Variants in SLC18A2 observed in about 807,000 individuals in gnomAD.
The protein encoded by SLC18A2 is solute carrier family 18 member A2.
A neutral mutation model predicts 59.2 loss-of-function variants in SLC18A2; 33 were observed. That is an observed-to-expected ratio of 0.56 (90% CI 0.42 to 0.75). The LOEUF is 0.75. Among genes scored for constraint, SLC18A2 ranks in the 30% least tolerant of loss-of-function variants. The pLI, the probability that SLC18A2 is intolerant of heterozygous loss-of-function variation, is 0.00. For synonymous variants in SLC18A2, 228 were observed against 253.5 expected, an observed-to-expected ratio of 0.90 and a Z score of 0.95; for missense variants, 569 against 668.6, an observed-to-expected ratio of 0.85 and a Z score of 1.64.
chr10:117,269,511 T>G lies in SLC18A2; in HGVS notation c.1187-560T>G, dbSNP rs1436384173. On this transcript the variant is annotated intron_variant, in intron 13 of 15. Transcript: ENST00000644641. This position sits in a 1 kb window ranked among gnomAD's most constrained non-coding sequence, Gnocchi z 5.1. ...GGGAGCAGGTAGCATAAAGATGGTG[T>G]GTGTTCAGAGTTCCTGGCTCAGACT... Among the ~76,000 whole-genome samples the G allele has an allele frequency of 6.6e-6, 1 of 152,192 alleles. No individual in the cohort carries two copies. Among genetic ancestry groups the G allele is most frequent in the African/African-American group, 2.4e-5 (1 of 41,446 alleles).
chr10:117,242,245 A>G (rs1844064555), intron 2 of SLC18A2, among the ~76,000 whole-genome samples: 1 of 152,238 alleles, frequency 6.6e-6, no homozygotes, highest in Non-Finnish European at 1.5e-5. Context: ...CTTACTCCAA[A>G]AACAAGACAT....
rs1844215123 is a variant in SLC18A2 at position 117,255,277 on chromosome 10, T to C, written c.701T>C (p.Val234Ala). The C allele has an allele frequency of 1.9e-6, 3 of 1,614,004 alleles. No homozygotes were observed. Among genetic ancestry groups the C allele is most frequent in the South Asian group, 1.1e-5 (1 of 91,082 alleles). The change falls in exon 7 of 16, where the codon GTG (valine) becomes GCG (alanine). Residue 234 changes from valine (V) to alanine (A), a missense_variant and splice_region_variant. Transcript: ENST00000644641. ...GTGTCCCCACTTTCTCTCCCTGCAG[T>C]GGGCCCCCCCTTCGGGAGTGTGCTC... The part of the protein sequence containing the change: ...ALGGLAMGVL[V>A]GPPFGSVLYE...
chr10:117,257,059 G>T (rs1844238866), intron 9 of SLC18A2, among the ~76,000 whole-genome samples: 1 of 152,232 alleles, frequency 6.6e-6, no homozygotes, highest in Non-Finnish European at 1.5e-5. Context: ...TAAGTGTCAT[G>T]TCGAATGAAC....
intron 13 of SLC18A2, chr10:117,268,355 CA>C (rs1235190513): frequency 6.6e-6 from 1 of 152,562 alleles, no homozygotes; most frequent in Non-Finnish European, 1.5e-5. Context: ...TACAGTGGCA[CA>C]GCATGGCTTT....
rs372240821 is a variant in SLC18A2, at chr10:117,249,300, GT to G, written c.465-4098del. On this transcript the variant is annotated intron_variant, in intron 3 of 15. Transcript: ENST00000644641. Reference sequence around the variant, plus strand: ...AGAAGCAAAAGCTCTGTTAAGCTATGTGTCAGAGAACAGGGCTCACGCCCAG... The same window carrying G: ...AGAAGCAAAAGCTCTGTTAAGCTATGGTCAGAGAACAGGGCTCACGCCCAG... Among the ~76,000 whole-genome samples the G allele has an allele frequency of 7.3e-4, 111 of 152,368 alleles. 1 individual carries two copies. In the South Asian group the frequency reaches 0.022, roughly 30 times the overall value.
In SLC18A2 at chr10:117,277,760, T is replaced by C. The variant is rs892234763; in HGVS notation, c.*494T>C. The C allele has an allele frequency of 6.6e-6, 1 of 152,278 alleles. No homozygotes were observed. Among genetic ancestry groups the C allele is most frequent in the African/African-American group, 2.4e-5 (1 of 41,462 alleles). 9.4% of individuals were successfully genotyped at this position (152,278 alleles called of 1,614,324 possible). A position where few individuals can be genotyped will look rare whatever the true frequency, so the allele number is the denominator to read the frequency against. On this transcript the variant is annotated 3_prime_UTR_variant, in exon 16 of 16. Coordinates refer to ENST00000644641, the MANE Select transcript of SLC18A2 (RefSeq NM_003054.6). ...GTGACACTGAATGTTATTTAACTTG[T>C]AGTTACTATCAATATATTTATGCGT...
At chr10:117,260,142 C>T (rs1367912157) in intron 10 of SLC18A2, among the ~76,000 whole-genome samples, 1 of 152,166 alleles carries the variant, frequency 6.6e-6, no homozygotes, top group Non-Finnish European at 1.5e-5. Context: ...CAAAAACACC[C>T]TCCCACCATG....
chr10:117,254,551 G>T, intron 6 of SLC18A2, 54 bp downstream of exon 6: 1 of 1,338,064 alleles, frequency 7.5e-7, no homozygotes, highest in Non-Finnish European at 1.0e-6. Context: ...CCTGGTGCTG[G>T]ACAGCGGCAG....
At chr10:117,248,743 G>A (rs1479046305) in intron 3 of SLC18A2, among the ~76,000 whole-genome samples, 1 of 152,174 alleles carries the variant, frequency 6.6e-6, no homozygotes, top group African/African-American at 2.4e-5. Flanking sequence ...GTCAGGTAAC[G>A]ATATGGCATT....
rs144395036 is a variant in SLC18A2 at position 117,261,905 on chromosome 10, G to T, written c.991+4013G>T. 1.4e-4 allele frequency among the ~76,000 whole-genome samples: 21 copies of T among 152,232 alleles called. No individual in the cohort carries two copies. In the East Asian group the frequency reaches 4.1e-3, roughly 29 times the overall value. ...CATCACTGAGCGATGCACTGTCAAA[G>T]GGTGAATTTTGTTTTTTTTTGAGAC... On this transcript the variant is annotated intron_variant, in intron 10 of 15. Transcript: ENST00000644641.
chr10:117,253,495 A>G (rs772046703), intron 4 of SLC18A2, 38 bp downstream of exon 4: 2 of 1,425,772 alleles, frequency 1.4e-6, no homozygotes, highest in Non-Finnish European at 1.9e-6. Flanking sequence ...TGTGGGTCTC[A>G]TCAGGGTGGG....
intron 13 of SLC18A2, among the ~76,000 whole-genome samples, chr10:117,268,999 C>T (rs1357941716): frequency 1.3e-5 from 2 of 151,146 alleles, no homozygotes; most frequent in African/African-American, 4.9e-5. Flanking sequence ...TACACACAAA[C>T]ACACATACAC....
Position 117,270,362 on chromosome 10 carries a change from AT to A in SLC18A2, c.1341del (p.Ile447MetfsTer7). The A allele has an allele frequency of 6.2e-7, 1 of 1,614,196 alleles. No individual in the cohort carries two copies. The highest frequency in any genetic ancestry group is 8.5e-7 in the Non-Finnish European group (1 of 1,180,030). On this transcript the variant is annotated frameshift_variant, in exon 15 of 16. Transcript: ENST00000644641. LOFTEE classifies it high-confidence loss of function. ...PSAGGAIAKA[I>X]GFPWLMTIIG... ...TGCTGGTGGTGCTATTGCAAAGGCAATTGGATTTCCATGGCTCATGACAATT... is the reference window on the plus strand; with the variant it reads ...TGCTGGTGGTGCTATTGCAAAGGCAATGGATTTCCATGGCTCATGACAATT...
chr10:117,242,058 T>C (rs1844062488), intron 2 of SLC18A2: 1 of 379,074 alleles, frequency 2.6e-6, no homozygotes, highest in Non-Finnish European at 4.7e-6. Flanking sequence ...CCAGAACTTA[T>C]GTTTCCCCCT....
chr10:117,243,208 T>C (rs1394131060), intron 2 of SLC18A2, among the ~76,000 whole-genome samples: 1 of 152,218 alleles, frequency 6.6e-6, no homozygotes, highest in African/African-American at 2.4e-5. Context: ...TGAAGTGTAG[T>C]TTTCTGTTTC....
intron 6 of SLC18A2, among the ~76,000 whole-genome samples, chr10:117,254,899 C>A (rs1056970403): frequency 6.6e-6 from 1 of 152,358 alleles, no homozygotes; most frequent in Admixed American, 6.5e-5. Flanking sequence ...GATTCAAAAC[C>A]TTTTCCTTCC....
intron 10 of SLC18A2, 74 bp downstream of exon 10, chr10:117,257,966 T>A: frequency 5.0e-6 from 5 of 1,000,038 alleles, no homozygotes; most frequent in Non-Finnish European, 6.0e-6. Context: ...AGGGCATCCC[T>A]GCTGAGTTGC....
chr10:117,278,106 A>T lies in SLC18A2; in HGVS notation c.*840A>T, dbSNP rs1050319819. ...ATACTGTCAAGGTTGTTTAAACATG[A>T]TAAGGTTAATCGCCATCTACTTCAA... On this transcript the variant is annotated 3_prime_UTR_variant, in exon 16 of 16. Transcript: ENST00000644641. The T allele has an allele frequency of 6.6e-6, 1 of 152,194 alleles. No individual in the cohort carries two copies. Among genetic ancestry groups the T allele is most frequent in the Admixed American group, 6.5e-5 (1 of 15,284 alleles). The allele number at this position is 152,194 out of a possible 1,614,324, so 9.4% of individuals were successfully genotyped here.
intron 10 of SLC18A2, among the ~76,000 whole-genome samples, chr10:117,264,039 C>T (rs139650110): frequency 3.0e-4 from 45 of 152,326 alleles, no homozygotes; most frequent in African/African-American, 1.1e-3. Context: ...AACCCAAGGT[C>T]TCATTTCCAC....
Sources: allele counts gnomAD v4.1 joint callset (sites outside exome capture counted in the v4.1 genomes callset), GRCh38; gene constraint gnomAD v4.1.1; non-coding constraint Gnocchi (gnomAD v3.1); transcripts MANE v1.5; gene names NCBI Gene and HGNC (gene_info 2026-07-23, HGNC 2026-07-21).